The following OSBP variants were observed in gnomAD, a reference collection of about 807,000 sequenced individuals.
The protein encoded by OSBP is oxysterol binding protein, also known as oxysterol-binding protein 1.
A neutral mutation model predicts 96.6 loss-of-function variants in OSBP; 32 were observed. The observed-to-expected ratio is 0.33, with a 90% CI of 0.25 to 0.45. OSBP has a LOEUF of 0.45. Ranked by LOEUF, OSBP falls within the 20% of genes least tolerant of loss-of-function variation. The pLI is 1.00. For missense variants in OSBP, 653 were observed against 1,029.7 expected (o/e 0.63, Z 5.01); for synonymous variants, 369 against 389.6 (o/e 0.95, Z 0.62).
Position 59,600,972 on chromosome 11 carries a change from T to G in OSBP, c.1125-99A>C. On this transcript the variant is annotated intron_variant, in intron 5 of 13. Transcript: ENST00000263847. ...AAAGCAGAATGCCAAGTACACTGTA[T>G]AAACTTATTGATGGGTGATCAAATG... 3.1e-6 allele frequency: 3 copies of G among 955,880 alleles called. No homozygotes were observed. The South Asian group carries it at 4.2e-5, about 13-fold the overall frequency. The allele number at this position is 955,880 out of a possible 1,614,324, so 59.2% of individuals were successfully genotyped here.
Position 59,603,312 on chromosome 11 carries a change from G to C in OSBP, c.823-1474C>G, listed in dbSNP as rs371768601. On this transcript the variant is annotated intron_variant, in intron 3 of 13. Coordinates refer to ENST00000263847, the MANE Select transcript of OSBP (RefSeq NM_002556.3). ...TAAATAAAGGAAGGAGGCAAGCAAC[G>C]TAAGCTTAAAAATCTATTCCCTGTT... Among the ~76,000 whole-genome samples, 5 of 152,106 alleles carry C rather than the reference G, an allele frequency of 3.3e-5. No homozygotes were observed. The East Asian group carries it at 9.6e-4, about 29-fold the overall frequency.
intron 2 of OSBP, among the ~76,000 whole-genome samples, chr11:59,609,714 T>A (rs890601185): frequency 1.3e-5 from 2 of 152,152 alleles, no homozygotes; most frequent in African/African-American, 2.4e-5. Flanking sequence ...ACTATCAATA[T>A]ATCAGGAGAA....
chr11:59,586,136 C>G (rs1426056723), intron 9 of OSBP, among the ~76,000 whole-genome samples: 1 of 148,352 alleles, frequency 6.7e-6, no homozygotes, highest in Non-Finnish European at 1.5e-5. Context: ...AAATCCCCCT[C>G]TGCGAGAAAC....
intron 9 of OSBP, among the ~76,000 whole-genome samples, chr11:59,583,311 CAAAAAT>C (rs1860446970): frequency 1.3e-5 from 2 of 151,710 alleles, no homozygotes; most frequent in African/African-American, 2.4e-5. Flanking sequence ...GTCGCTGTCT[CAAAAAT>C]AAAAAATAAA....
At chr11:59,595,143 T>A (rs1338234607) in intron 7 of OSBP, 2 of 153,640 alleles carry the variant, frequency 1.3e-5, no homozygotes, top group Non-Finnish European at 2.9e-5. Context: ...ACCCTTCTAC[T>A]CCCTAAAAAA....
intron 3 of OSBP, among the ~76,000 whole-genome samples, 196 bp downstream of exon 3, chr11:59,608,288 G>A (rs530653168): frequency 6.6e-6 from 1 of 152,280 alleles, no homozygotes; most frequent in East Asian, 1.9e-4. Context: ...GATCACTTAA[G>A]CAGAGCATGA....
At chr11:59,588,403 G>A (rs1007207376) in intron 9 of OSBP, among the ~76,000 whole-genome samples, 1 of 151,910 alleles carries the variant, frequency 6.6e-6, no homozygotes, top group African/African-American at 2.4e-5. Context: ...GGGTGTGGAG[G>A]CGGGTACCTG....
At chr11:59,576,779 A>G in intron 13 of OSBP, 26 bp downstream of exon 13, 1 of 1,612,856 alleles carries the variant, frequency 6.2e-7, no homozygotes, top group Non-Finnish European at 8.5e-7. Context: ...GCATCAAGAA[A>G]GAAGAGTAGA....
Position 59,576,988 on chromosome 11 carries a change from C to T in OSBP, c.2098G>A (p.Ala700Thr). 6.2e-7 allele frequency: 1 copy of T among 1,614,112 alleles called. No homozygotes were observed. Among genetic ancestry groups the T allele is most frequent in the Non-Finnish European group, 8.5e-7 (1 of 1,180,012 alleles). ...AENMYYFSELALTLNAWESGT... is the reference protein window; with the variant it reads ...AENMYYFSELTLTLNAWESGT... Reference sequence around the variant, plus strand: ...CTTTCCCAAGCATTGAGAGTCAGAGCAAGCTCTGAGAAGTAGTACATGTTT... The same window carrying T: ...CTTTCCCAAGCATTGAGAGTCAGAGTAAGCTCTGAGAAGTAGTACATGTTT... Residue 700 changes from alanine to threonine, a missense_variant, in exon 13 of 14, where the codon GCT becomes ACT. By Grantham distance (58) the Ala-to-Thr change is moderately conservative. Around this residue, in one of 6 missense-constraint regions of OSBP, gnomAD observed 169 missense variants for 251.5 expected, o/e 0.67. Transcript: ENST00000263847.
At chr11:59,614,965 G>A (rs1565122875) in intron 1 of OSBP, among the ~76,000 whole-genome samples, 1 of 152,348 alleles carries the variant, frequency 6.6e-6, no homozygotes, top group East Asian at 1.9e-4. Flanking sequence ...ACCTACACCA[G>A]TGCCTTGCTT....
chr11:59,613,002 T>C (rs1860871007), intron 1 of OSBP, among the ~76,000 whole-genome samples: 1 of 152,120 alleles, frequency 6.6e-6, no homozygotes, highest in South Asian at 2.1e-4. Context: ...AGGAAAACAG[T>C]ATTTTGGAAA....
chr11:59,609,824 C>T (rs1429610943), intron 2 of OSBP, among the ~76,000 whole-genome samples: 1 of 152,118 alleles, frequency 6.6e-6, no homozygotes. Flanking sequence ...GAAAATATCA[C>T]ATATACAGTT....
intron 1 of OSBP, among the ~76,000 whole-genome samples, chr11:59,615,093 G>C (rs1016987995): frequency 6.6e-6 from 1 of 152,310 alleles, no homozygotes; most frequent in Admixed American, 6.5e-5. Flanking sequence ...ACCAAGAGTG[G>C]GTAACCCGAG....
rs1473901429 is a variant in OSBP at position 59,579,542 on chromosome 11, A to G, written c.1878+632T>C. Among the ~76,000 whole-genome samples the G allele has an allele frequency of 2.0e-5, 3 of 151,784 alleles. No homozygotes were observed. The East Asian group carries it at 5.8e-4, about 29-fold the overall frequency. ...GAGACAGGGTTTCTCCATGTTGGTC[A>G]GGCTGGTCTCGAACTCCCGACCTCA... is the stretch of plus-strand genomic sequence containing the variant. On this transcript the variant is annotated intron_variant, in intron 11 of 13. Coordinates refer to ENST00000263847, the MANE Select transcript of OSBP (RefSeq NM_002556.3).
At chr11:59,580,798 C>T (rs185228987) in intron 10 of OSBP, among the ~76,000 whole-genome samples, 2 of 152,286 alleles carry the variant, frequency 1.3e-5, no homozygotes, top group South Asian at 2.1e-4. Flanking sequence ...GGATTATAGG[C>T]ATGAGCCAAC....
intron 7 of OSBP, among the ~76,000 whole-genome samples, chr11:59,597,058 C>A (rs1314149886): frequency 6.6e-6 from 1 of 151,946 alleles, no homozygotes; most frequent in Non-Finnish European, 1.5e-5. Context: ...GACCCAGAAG[C>A]TATTTCTTTC....
intron 12 of OSBP, among the ~76,000 whole-genome samples, chr11:59,577,599 C>T (rs542019667): frequency 6.6e-6 from 1 of 152,280 alleles, no homozygotes; most frequent in African/African-American, 2.4e-5. Context: ...CTCAAGTCAT[C>T]CTCATGCCTC....
intron 9 of OSBP, among the ~76,000 whole-genome samples, chr11:59,585,472 G>A (rs1291649890): frequency 1.5e-4 from 22 of 151,632 alleles, no homozygotes; most frequent in Non-Finnish European, 2.9e-4. Context: ...GAGCCCCTCC[G>A]CCCGGCAGCC....
At chr11:59,577,743 G>A (rs2134649669) in intron 12 of OSBP, among the ~76,000 whole-genome samples, 1 of 152,292 alleles carries the variant, frequency 6.6e-6, no homozygotes, top group Non-Finnish European at 1.5e-5. Context: ...CACCTGCCCT[G>A]GCCTCCCAAA....
Sources: allele counts gnomAD v4.1 joint callset (sites outside exome capture counted in the v4.1 genomes callset), GRCh38; gene constraint gnomAD v4.1.1; regional missense constraint gnomAD v4.1.1; transcripts MANE v1.5; gene names NCBI Gene and HGNC (gene_info 2026-07-23, HGNC 2026-07-21).